NUP98: variants seen among roughly 807,000 people sequenced by gnomAD.
NUP98 encodes nucleoporin 98 and 96 precursor, also known as nuclear pore complex protein Nup98-Nup96.
A neutral mutation model predicts 191.9 loss-of-function variants in NUP98; 26 were observed. The ratio of observed to expected loss-of-function variants is 0.14; its 90% CI spans 0.10 to 0.19. The LOEUF is 0.19. NUP98 is among the 10% of genes least tolerant of loss of function. The probability of loss-of-function intolerance (pLI) is 1.00; values close to 1 mark genes in which losing one functional copy is unlikely to be tolerated. For synonymous variants in NUP98, 808 were observed against 778.4 expected (o/e 1.04, Z -0.63); for missense variants, 1,941 against 2,178.8 (o/e 0.89, Z 2.17).
chr11:3,686,375 C>A (rs1476097302), intron 28 of NUP98, among the ~76,000 whole-genome samples, 181 bp from the exon 29 acceptor site: 5 of 152,172 alleles, frequency 3.3e-5, no homozygotes, highest in East Asian at 1.9e-4. Flanking sequence ...GACTTTAGAT[C>A]CTACAAAGAA....
intron 21 of NUP98, 35 bp downstream of exon 21, chr11:3,706,410 C>A (rs1408060988): frequency 5.6e-6 from 9 of 1,603,040 alleles, no homozygotes; most frequent in Non-Finnish European, 7.7e-6. Flanking sequence ...ATTAGTTTGG[C>A]TTTCTGTTAC....
At chr11:3,765,942 A>G (rs1012884464) in intron 8 of NUP98, among the ~76,000 whole-genome samples, 8 of 152,238 alleles carry the variant, frequency 5.3e-5, no homozygotes, top group African/African-American at 1.7e-4. Context: ...TCCTCACTGA[A>G]TTGTTTTGGT....
At chr11:3,772,868 C>T (rs961062741) in intron 6 of NUP98, among the ~76,000 whole-genome samples, 48 of 151,236 alleles carry the variant, frequency 3.2e-4, no homozygotes, top group Non-Finnish European at 6.5e-4. Context: ...ATCCAAGCTA[C>T]TAGGGAGGCT....
intron 25 of NUP98, among the ~76,000 whole-genome samples, chr11:3,698,793 C>A (rs2078591283): frequency 1.3e-5 from 2 of 148,702 alleles, no homozygotes; most frequent in Non-Finnish European, 3.0e-5. Flanking sequence ...GTGTGATCTA[C>A]CCACCTTGGC....
chr11:3,781,358 T>G (rs1186892932), intron 2 of NUP98: 1 of 151,944 alleles, frequency 6.6e-6, no homozygotes, highest in Non-Finnish European at 1.5e-5. Context: ...ATTATACCAT[T>G]CTTTCCAGAC....
At chr11:3,738,473 A>G (rs1190934648) in intron 12 of NUP98, among the ~76,000 whole-genome samples, 1 of 152,226 alleles carries the variant, frequency 6.6e-6, no homozygotes, top group African/African-American at 2.4e-5. Context: ...GAAGAAAGTC[A>G]GTGGGTTACC....
chr11:3,778,369 G>A (rs1264426703), intron 4 of NUP98, among the ~76,000 whole-genome samples: 1 of 152,080 alleles, frequency 6.6e-6, no homozygotes, highest in Non-Finnish European at 1.5e-5. Flanking sequence ...AGTCATGTTT[G>A]GACTTAAAGT....
intron 4 of NUP98, 86 bp from the exon 5 acceptor site, chr11:3,776,107 C>A: frequency 3.3e-6 from 3 of 908,006 alleles, no homozygotes; most frequent in South Asian, 1.6e-5. Context: ...ATGGCACTAG[C>A]ATCACAGTAC....
chr11:3,750,390 C>A (rs540616265), intron 11 of NUP98, among the ~76,000 whole-genome samples: 1 of 152,284 alleles, frequency 6.6e-6, no homozygotes, highest in African/African-American at 2.4e-5. Context: ...GCCACCTCAT[C>A]CAGCTCTAAA....
chr11:3,747,006 T>G (rs954535782), intron 11 of NUP98, among the ~76,000 whole-genome samples: 11 of 150,696 alleles, frequency 7.3e-5, no homozygotes, highest in African/African-American at 2.4e-4. Flanking sequence ...AATGGAAAAA[T>G]AGGTATTTTT....
intron 4 of NUP98, among the ~76,000 whole-genome samples, chr11:3,778,620 C>G (rs1000686205): frequency 6.6e-6 from 1 of 152,186 alleles, no homozygotes; most frequent in Non-Finnish European, 1.5e-5. Context: ...AGCCATTTTG[C>G]ATCAGGAAGC....
intron 31 of NUP98, among the ~76,000 whole-genome samples, chr11:3,676,931 AC>A (rs1315389342): frequency 1.3e-5 from 2 of 152,218 alleles, no homozygotes; most frequent in Admixed American, 1.3e-4. Flanking sequence ...AGATGGTATG[AC>A]TTCTAAAGAG....
intron 12 of NUP98, among the ~76,000 whole-genome samples, chr11:3,740,402 T>C (rs924980713): frequency 5.9e-5 from 9 of 151,462 alleles, no homozygotes; most frequent in Admixed American, 4.0e-4. Context: ...TCCCAGCTAC[T>C]CAAGAGGCTG....
rs1037857255 is a variant in NUP98, at chr11:3,706,596, C to G, written c.2774G>C (p.Arg925Thr). 1 of 1,614,036 alleles carries G rather than the reference C, an allele frequency of 6.2e-7. No homozygotes were observed. The change falls in exon 21 of 33, where the codon AGG (arginine) becomes ACG (threonine). Residue 925 changes from arginine (R) to threonine (T), a missense_variant. Arg to Thr is a moderately conservative substitution (Grantham distance 71). Around this residue, in one of 6 missense-constraint regions of NUP98, gnomAD observed 1,030 missense variants for 1,115.8 expected, o/e 0.92. Transcript: ENST00000324932. ...SQSPEVEQLG[R>T]VVELDSDMVD... ...CATGTCACTGTCCAGTTCCACAACC[C>G]TCCCTAACTGCTCCACCTCTGGGCT...
In NUP98 at chr11:3,759,153, G is replaced by T. The variant is rs74049699; in HGVS notation, c.1174+1386C>A. Among the ~76,000 whole-genome samples, 250 of 152,206 alleles carry T rather than the reference G, an allele frequency of 1.6e-3. 2 individuals carry two copies. Among genetic ancestry groups the T allele is most frequent in the African/African-American group, 5.7e-3 (235 of 41,544 alleles). On this transcript the variant is annotated intron_variant, in intron 10 of 32. Transcript: ENST00000324932. ...TGTCTTTGTACTCAACTCCTAAAAA[G>T]AATCTATCAGTGCCTAGTGATGTAT... is the stretch of plus-strand genomic sequence containing the variant.
intron 19 of NUP98, among the ~76,000 whole-genome samples, chr11:3,713,011 CTTG>C (rs1446060296): frequency 3.3e-5 from 5 of 152,128 alleles, no homozygotes; most frequent in Non-Finnish European, 7.4e-5. Context: ...AATCCAAAGA[CTTG>C]TTATTATTTT....
At chr11:3,679,047 T>C (rs2077906468) in intron 31 of NUP98, among the ~76,000 whole-genome samples, 2 of 138,652 alleles carry the variant, frequency 1.4e-5, no homozygotes, top group African/African-American at 5.5e-5. Flanking sequence ...CACTTAAGAC[T>C]GGGAGGCAGA....
intron 1 of NUP98, among the ~76,000 whole-genome samples, chr11:3,792,114 G>A: frequency 7.5e-6 from 1 of 133,656 alleles, no homozygotes; most frequent in Non-Finnish European, 1.5e-5. Flanking sequence ...GGGAAGTGGA[G>A]CTTGCAATAA....
At chr11:3,715,292 G>A (rs1035190625) in intron 18 of NUP98, among the ~76,000 whole-genome samples, 1 of 151,998 alleles carries the variant, frequency 6.6e-6, no homozygotes, top group African/African-American at 2.4e-5. Context: ...GAGTACAGGT[G>A]CCCGCCACAA....
Sources: allele counts gnomAD v4.1 joint callset (sites outside exome capture counted in the v4.1 genomes callset), GRCh38; gene constraint gnomAD v4.1.1; regional missense constraint gnomAD v4.1.1; transcripts MANE v1.5; gene names NCBI Gene and HGNC (gene_info 2026-07-23, HGNC 2026-07-21).